The following ZNF599 variants were observed in gnomAD, a reference collection of about 807,000 sequenced individuals.
ZNF599 encodes zinc finger protein 599.
In ZNF599, 10 loss-of-function variants were observed where a neutral mutation model predicts 11.7. That is an observed-to-expected ratio of 0.86 (90% CI 0.53 to 1.45). The LOEUF is 1.45. Ranked by LOEUF, ZNF599 falls within the 40% of genes most tolerant of loss-of-function variation. The pLI, the probability that ZNF599 is intolerant of heterozygous loss-of-function variation, is 0.00. For missense variants in ZNF599, 688 were observed against 713.6 expected, an observed-to-expected ratio of 0.96 and a Z score of 0.41; for synonymous variants, 232 against 253.2, an observed-to-expected ratio of 0.92 and a Z score of 0.79.
chr19:34,795,914 C>G, the ZNF599 span, among the ~76,000 whole-genome samples: 1 of 152,134 alleles, frequency 6.6e-6, no homozygotes, highest in Admixed American at 6.5e-5. Context: ...CTCTGCCTCC[C>G]AGGTTCAAGC....
chr19:34,758,858 G>T lies in ZNF599; in HGVS notation c.*176C>A. On this transcript the variant is annotated 3_prime_UTR_variant, in exon 4 of 4. Coordinates refer to ENST00000329285, the MANE Select transcript of ZNF599 (RefSeq NM_001007248.3). ...TTCTTTGGATGACAAGTGATTACCT[G>T]CCATAAAAAGATTTCACAGGGACAA... The T allele has an allele frequency of 1.6e-6, 1 of 623,984 alleles. No individual in the cohort carries two copies. Among genetic ancestry groups the T allele is most frequent in the Non-Finnish European group, 2.7e-6 (1 of 367,612 alleles). The allele number at this position is 623,984 out of a possible 1,614,324, so 38.7% of individuals were successfully genotyped here.
chr19:34,773,137 C>G lies in ZNF599; in HGVS notation c.-296G>C. The G allele has an allele frequency of 1.8e-5, 7 of 395,192 alleles. No individual in the cohort carries two copies. In the East Asian group the frequency reaches 2.7e-4, roughly 15 times the overall value. 24.5% of individuals were successfully genotyped at this position (395,192 alleles called of 1,614,324 possible). On this transcript the variant is annotated 5_prime_UTR_variant, in exon 1 of 4. Transcript: ENST00000329285. Reference sequence around the variant, plus strand: ...TCTCTACTCGGTCTCGAAAAGTGGCCCCTGTCTGGCGTTCTACCCAGTGTA... The same window carrying G: ...TCTCTACTCGGTCTCGAAAAGTGGCGCCTGTCTGGCGTTCTACCCAGTGTA...
At chr19:34,780,411 AG>A in the ZNF599 span, among the ~76,000 whole-genome samples, 7 of 152,038 alleles carry the variant, frequency 4.6e-5, no homozygotes, top group African/African-American at 1.7e-4. Flanking sequence ...TGGGAGGCTG[AG>A]GTGGGAGGAT....
Position 34,759,322 on chromosome 19 carries a change from G to A in ZNF599, c.1479C>T (p.Ser493=). The A allele has an allele frequency of 6.2e-7, 1 of 1,614,114 alleles. No individual in the cohort carries two copies. The highest frequency in any genetic ancestry group is 8.5e-7 in the Non-Finnish European group (1 of 1,180,014). Residue 493 remains serine (S), a synonymous_variant, in exon 4 of 4, where the codon TCC becomes TCT. Coordinates refer to ENST00000329285, the MANE Select transcript of ZNF599 (RefSeq NM_001007248.3). Reference sequence around the variant, plus strand: ...TGTGAATCCTCATGTGTCGAGTGAAGGAAGAGCTATAGTAAAAGGCTTTTG... The same window carrying A: ...TGTGAATCCTCATGTGTCGAGTGAAAGAAGAGCTATAGTAAAAGGCTTTTG... ...ECAKAFYYSS[S]FTRHMRIHTG...
the ZNF599 span, among the ~76,000 whole-genome samples, chr19:34,804,995 G>C: frequency 6.6e-6 from 1 of 152,148 alleles, no homozygotes; most frequent in African/African-American, 2.4e-5. Context: ...TCTCAAGCAA[G>C]CCTTTGTTTC....
At chr19:34,797,679 T>C in the ZNF599 span, among the ~76,000 whole-genome samples, 1 of 152,206 alleles carries the variant, frequency 6.6e-6, no homozygotes, top group Non-Finnish European at 1.5e-5. Flanking sequence ...ATTTACAATA[T>C]AGTGTGTGCA....
chr19:34,803,948 A>T, the ZNF599 span, among the ~76,000 whole-genome samples: 5 of 152,184 alleles, frequency 3.3e-5, no homozygotes, highest in South Asian at 1.0e-3. Context: ...ATCCCTCCCT[A>T]GCCTCCCCAC....
chr19:34,765,398 G>A, intron 3 of ZNF599: 1 of 588,490 alleles, frequency 1.7e-6, no homozygotes, highest in Non-Finnish European at 3.0e-6. Flanking sequence ...TGATGGTGAT[G>A]ATGAGCTATG....
chr19:34,786,097 T>C, the ZNF599 span, among the ~76,000 whole-genome samples: 1 of 152,154 alleles, frequency 6.6e-6, no homozygotes, highest in Non-Finnish European at 1.5e-5. Context: ...AGTCCTTCCC[T>C]GCTCAGTGCT....
chr19:34,763,001 A>G (rs1266856492), intron 3 of ZNF599: 1 of 152,218 alleles, frequency 6.6e-6, no homozygotes, highest in Non-Finnish European at 1.5e-5. Context: ...AATTACCAAA[A>G]CGGACAAACA....
chr19:34,764,926 A>C (rs1233070005), intron 3 of ZNF599: 6 of 152,170 alleles, frequency 3.9e-5, no homozygotes, highest in Admixed American at 3.9e-4. Context: ...AAAATAAATA[A>C]AGGAAAGTCT....
the ZNF599 span, among the ~76,000 whole-genome samples, chr19:34,790,889 T>C: frequency 6.6e-6 from 1 of 152,064 alleles, no homozygotes; most frequent in Non-Finnish European, 1.5e-5. Context: ...CAATTAAAAA[T>C]AAAATTAAAA....
upstream of ZNF599, among the ~76,000 whole-genome samples, chr19:34,777,838 A>G (rs1298751337): frequency 6.6e-6 from 1 of 151,778 alleles, no homozygotes; most frequent in Non-Finnish European, 1.5e-5. Context: ...AAGTGGGGAG[A>G]TATTGAACAG....
At chr19:34,803,987 A>G in the ZNF599 span, among the ~76,000 whole-genome samples, 2 of 152,122 alleles carry the variant, frequency 1.3e-5, no homozygotes, top group Non-Finnish European at 2.9e-5. Flanking sequence ...CATCAAGAAC[A>G]TGCCTGACAA....
At chr19:34,792,920 C>T in the ZNF599 span, among the ~76,000 whole-genome samples, 24 of 152,010 alleles carry the variant, frequency 1.6e-4, no homozygotes, top group Non-Finnish European at 2.4e-4. Context: ...GGATACCAAG[C>T]GAAAGACCCT....
intron 3 of ZNF599, chr19:34,764,878 T>G (rs576467308): frequency 6.6e-6 from 1 of 152,294 alleles, no homozygotes; most frequent in South Asian, 2.1e-4. Flanking sequence ...TGTACACTTA[T>G]TATGTATAAA....
Position 34,759,363 on chromosome 19 carries a change from C to G in ZNF599, c.1438G>C (p.Glu480Gln). ...AAGGCTTTTGCACATTCTTTGCACT[C>G]CAAGGGTTTTTGTCCACTGTGGGTC... ...NRTHSGQKPL[E>Q]CKECAKAFYY... Residue 480 changes from glutamate (E) to glutamine (Q), a missense_variant, in exon 4 of 4, where the codon GAG (glutamate) becomes CAG (glutamine). Transcript: ENST00000329285. 1 of 1,613,378 alleles carries G rather than the reference C, an allele frequency of 6.2e-7. No homozygotes were observed. Among genetic ancestry groups the G allele is most frequent in the Non-Finnish European group, 8.5e-7 (1 of 1,179,852 alleles).
intron 3 of ZNF599, chr19:34,763,739 G>A (rs1222695083): frequency 6.6e-6 from 1 of 152,094 alleles, no homozygotes; most frequent in Non-Finnish European, 1.5e-5. Flanking sequence ...CTGAAAAACT[G>A]GGATACTCTC....
the ZNF599 span, among the ~76,000 whole-genome samples, chr19:34,805,943 AG>A: frequency 6.6e-6 from 1 of 152,206 alleles, no homozygotes; most frequent in African/African-American, 2.4e-5. Flanking sequence ...AGATATACAT[AG>A]GAACTATTAT....
Sources: gnomAD v4.1 joint callset for allele counts (sites outside exome capture counted in the v4.1 genomes callset) on GRCh38, gnomAD v4.1.1 for gene constraint, MANE v1.5 for transcripts, NCBI Gene and HGNC (gene_info 2026-07-23, HGNC 2026-07-21) for gene names.